SURF6: variants seen among roughly 807,000 people sequenced by gnomAD.
The protein encoded by SURF6 is surfeit 6, also known as surfeit locus protein 6.
SURF6 carries 28 observed loss-of-function variants against 37.5 expected under a neutral mutation model. That is an observed-to-expected ratio of 0.75 (90% CI 0.55 to 1.02). The LOEUF is 1.02. Ranked by LOEUF, SURF6 falls within the 50% of genes least tolerant of loss-of-function variation. The probability of loss-of-function intolerance (pLI) is 0.00; values close to 1 mark genes in which losing one functional copy is unlikely to be tolerated. For synonymous variants in SURF6, 248 were observed against 210.9 expected (o/e 1.18, Z -1.52); for missense variants, 560 against 490.5 (o/e 1.14, Z -1.34).
chr9:133,333,880 T>C, intron 2 of SURF6, 74 bp from the exon 3 acceptor site: 2 of 1,244,044 alleles, frequency 1.6e-6, no homozygotes, highest in East Asian at 2.5e-5. Flanking sequence ...CACGAATCCC[T>C]GTCCCACTGT....
In SURF6 at chr9:133,332,680, C is replaced by A; in HGVS notation, c.474G>T (p.Lys158Asn). The A allele has an allele frequency of 6.2e-7, 1 of 1,612,404 alleles. No individual in the cohort carries two copies. Among genetic ancestry groups the A allele is most frequent in the South Asian group, 1.1e-5 (1 of 91,092 alleles). ...RKQERDRKKR[K>N]RKELRAKEKA... is the part of the protein sequence containing the mutation. ...TCTCTTTCGCCCGCAGCTCCTTTCG[C>A]TTCCTCTTCTTCCGGTCCCGTTCCT... Residue 158 changes from lysine to asparagine, a missense_variant, in exon 4 of 5, where the codon AAG (lysine) becomes AAT (asparagine). Coordinates refer to ENST00000372022, the MANE Select transcript of SURF6 (RefSeq NM_006753.6).
chr9:133,334,949 G>A (rs1413880696), intron 1 of SURF6, among the ~76,000 whole-genome samples: 1 of 152,118 alleles, frequency 6.6e-6, no homozygotes, highest in Non-Finnish European at 1.5e-5. Flanking sequence ...TTTAGCTGCT[G>A]GGGGTTATGT....
intron 3 of SURF6, 49 bp from the exon 4 acceptor site, chr9:133,332,809 C>T (rs2129921637): frequency 1.6e-5 from 25 of 1,566,908 alleles, no homozygotes; most frequent in Non-Finnish European, 1.8e-5. Context: ...ATCCCAGGGT[C>T]CCCCAGCCTG....
rs1395452202 is a variant in SURF6 at position 133,329,892 on chromosome 9, T to C, written c.*1977A>G. ...TTGGTATCAAAGCTAAGTTCACGAATGAAGTGTTCTCTCAATTGATTCTGT... is the reference window on the plus strand; with the variant it reads ...TTGGTATCAAAGCTAAGTTCACGAACGAAGTGTTCTCTCAATTGATTCTGT... On this transcript the variant is annotated 3_prime_UTR_variant, in exon 5 of 5. Coordinates refer to ENST00000372022, the MANE Select transcript of SURF6 (RefSeq NM_006753.6). 2 of 152,248 alleles carry C rather than the reference T, an allele frequency of 1.3e-5. No individual in the cohort carries two copies. Among genetic ancestry groups the C allele is most frequent in the Admixed American group, 6.5e-5 (1 of 15,286 alleles). 9.4% of individuals were successfully genotyped at this position (152,248 alleles called of 1,614,324 possible). A position where few individuals can be genotyped will look rare whatever the true frequency, so the allele number is the denominator to read the frequency against.
rs947127023 is a variant in SURF6 at position 133,334,670 on chromosome 9, C to G, written c.95-69G>C. 3.2e-6 allele frequency: 5 copies of G among 1,555,396 alleles called. No homozygotes were observed. In the Admixed American group the frequency reaches 8.8e-5, roughly 28 times the overall value. On this transcript the variant is annotated intron_variant, in intron 1 of 4. Coordinates refer to ENST00000372022, the MANE Select transcript of SURF6 (RefSeq NM_006753.6). ...CCATTCAATAGGCAGGAAAGGCTCACCAAGGCTTTGATCCCAGGAAGATGC... is the reference window on the plus strand; with the variant it reads ...CCATTCAATAGGCAGGAAAGGCTCAGCAAGGCTTTGATCCCAGGAAGATGC...
At chr9:133,333,860 T>G in intron 2 of SURF6, 54 bp from the exon 3 acceptor site, 1 of 1,434,942 alleles carries the variant, frequency 7.0e-7, no homozygotes, top group African/African-American at 1.4e-5. Flanking sequence ...TCCCCCTCCC[T>G]CCCTAGGGCC....
chr9:133,335,984 G>A (rs1017791246), intron 1 of SURF6, 55 bp downstream of exon 1: 65 of 1,495,280 alleles, frequency 4.3e-5, no homozygotes, highest in South Asian at 1.6e-4. Context: ...CACCGGCTCC[G>A]GCCGCGTCCC....
chr9:133,334,318 A>T, intron 2 of SURF6, 74 bp downstream of exon 2: 1 of 1,414,610 alleles, frequency 7.1e-7, no homozygotes, highest in Non-Finnish European at 9.5e-7. Flanking sequence ...TTTTCTTAAG[A>T]GCAAAGGGGA....
chr9:133,330,730 T>C lies in SURF6; in HGVS notation c.*1139A>G, dbSNP rs2129907392. The C allele has an allele frequency of 1.3e-5, 2 of 152,342 alleles. No homozygotes were observed. Among genetic ancestry groups the C allele is most frequent in the East Asian group, 3.9e-4 (2 of 5,190 alleles). 9.4% of individuals were successfully genotyped at this position (152,342 alleles called of 1,614,324 possible). A position where few individuals can be genotyped will look rare whatever the true frequency, so the allele number is the denominator to read the frequency against. On this transcript the variant is annotated 3_prime_UTR_variant, in exon 5 of 5. Coordinates refer to ENST00000372022, the MANE Select transcript of SURF6 (RefSeq NM_006753.6). ...ACAAAAAAAAATAGCTCAAATTTTT[T>C]TTAATGACATTGGGATACGGTCAGA...
rs1254413301 is a variant in SURF6 at position 133,332,565 on chromosome 9, C to A, written c.589G>T (p.Gly197Trp). The A allele has an allele frequency of 1.2e-6, 2 of 1,608,876 alleles. No homozygotes were observed. The highest frequency in any genetic ancestry group is 1.7e-6 in the Non-Finnish European group (2 of 1,179,926). The change falls in exon 4 of 5, where the codon GGG becomes TGG. Residue 197 changes from glycine to tryptophan, a missense_variant. Coordinates refer to ENST00000372022, the MANE Select transcript of SURF6 (RefSeq NM_006753.6). Reference sequence around the variant, plus strand: ...CCGCTCACCTTATTGAAGATCAGCCCGGGCGGCTCCCGCGGCTCCGTGCAG... The same window carrying A: ...CCGCTCACCTTATTGAAGATCAGCCAGGGCGGCTCCCGCGGCTCCGTGCAG... ...GACTEPREPPGLIFNKVEVSE... is the reference protein window; with the variant it reads ...GACTEPREPPWLIFNKVEVSE...
intron 1 of SURF6, 64 bp from the exon 2 acceptor site, chr9:133,334,665 G>A: frequency 6.4e-7 from 1 of 1,559,258 alleles, no homozygotes; most frequent in Non-Finnish European, 8.7e-7. Flanking sequence ...GGCAGGAAAG[G>A]CTCACCAAGG....
chr9:133,331,656 C>T lies in SURF6; in HGVS notation c.*213G>A, dbSNP rs1053248651. The T allele has an allele frequency of 4.9e-6, 3 of 606,896 alleles. No homozygotes were observed. The highest frequency in any genetic ancestry group is 1.9e-5 in the African/African-American group (1 of 51,762). The allele number at this position is 606,896 out of a possible 1,614,324, so 37.6% of individuals were successfully genotyped here. A position where few individuals can be genotyped will look rare whatever the true frequency, so the allele number is the denominator to read the frequency against. ...ACCCTTTCCCTGGGTCTGAAGGTCC[C>T]GGATCCTGCGTTCAAGGATGACGCT... On this transcript the variant is annotated 3_prime_UTR_variant, in exon 5 of 5. Transcript: ENST00000372022.
At position 133,332,299 on chromosome 9, in the gene SURF6, T is replaced by G. The variant is rs201191151; in HGVS notation, c.656A>C (p.Glu219Ala). 38 of 1,598,938 alleles carry G rather than the reference T, an allele frequency of 2.4e-5. No homozygotes were observed. Among genetic ancestry groups the G allele is most frequent in the African/African-American group, 6.7e-5 (5 of 74,908 alleles). The change falls in exon 5 of 5, where the codon GAG becomes GCG. Residue 219 changes from glutamate (E) to alanine (A), a missense_variant. Transcript: ENST00000372022. ...GTTCCCCTTCACCCTCTGCCTCTTC[T>G]CTTTTCTGCGCTGCGCCTTGCTGGC... The part of the protein sequence containing the change: ...EPASKAQRRK[E>A]KRQRVKGNLT...
rs2129924848 is a variant in SURF6 at position 133,333,784 on chromosome 9, C to T, written c.327G>A (p.Glu109=). The T allele has an allele frequency of 5.0e-6, 8 of 1,613,768 alleles. No individual in the cohort carries two copies. Among genetic ancestry groups the T allele is most frequent in the Non-Finnish European group, 5.9e-6 (7 of 1,179,924 alleles). Residue 109 remains glutamate, a synonymous_variant, in exon 3 of 5, where the codon GAG becomes GAA. Coordinates refer to ENST00000372022, the MANE Select transcript of SURF6 (RefSeq NM_006753.6). ...GCAGAACATCCAGAGCAAAGACAGA[C>T]TCAGGCTCAGTGGCCAGGCCATCTG... ...NPADGLATEP[E]SVFALDVLRQ...
rs888204858 is a variant in SURF6, at chr9:133,328,829, A to T, written c.*3040T>A. 6.6e-6 allele frequency: 1 copy of T among 152,236 alleles called. No individual in the cohort carries two copies. Among genetic ancestry groups the T allele is most frequent in the African/African-American group, 2.4e-5 (1 of 41,452 alleles). The allele number at this position is 152,236 out of a possible 1,614,324, so 9.4% of individuals were successfully genotyped here. Reference sequence around the variant, plus strand: ...CTAAAATCTTGACATTGGTATTTGTAGGGACCAGCCCCACAGGGTCCGTGG... The same window carrying T: ...CTAAAATCTTGACATTGGTATTTGTTGGGACCAGCCCCACAGGGTCCGTGG... On this transcript the variant is annotated 3_prime_UTR_variant, in exon 5 of 5. Coordinates refer to ENST00000372022, the MANE Select transcript of SURF6 (RefSeq NM_006753.6).
rs2129917751 is a variant in SURF6 at position 133,332,331 on chromosome 9, G to A, written c.624C>T (p.Asp208=). The A allele has an allele frequency of 3.5e-5, 56 of 1,582,132 alleles. No individual in the cohort carries two copies. The Middle Eastern group carries it at 2.5e-3, about 71-fold the overall frequency. ...LIFNKVEVSE[D]EPASKAQRRK... The stretch of plus-strand genomic sequence containing the variant: ...TGCGCTGCGCCTTGCTGGCCGGCTC[G>A]TCTTCGCTCACCTCCACCTGGGAGG... The change falls in exon 5 of 5, where the codon GAC becomes GAT. Residue 208 remains aspartate, a synonymous_variant. Transcript: ENST00000372022.
chr9:133,334,622 G>C (rs2129928585), intron 1 of SURF6, 21 bp from the exon 2 acceptor site: 2 of 1,602,442 alleles, frequency 1.2e-6, no homozygotes, highest in Middle Eastern at 1.7e-4. Flanking sequence ...AAATAAGAAA[G>C]AGTTAAGTCC....
In SURF6 at chr9:133,335,894, C is replaced by A. The variant is rs2129932928; in HGVS notation, c.94+145G>T. ...CCGTCTCCAAAAACAAAAACAAAAA[C>A]AAAAAAAACAAATAAGGGAAACGGC... On this transcript the variant is annotated intron_variant, in intron 1 of 4. Coordinates refer to ENST00000372022, the MANE Select transcript of SURF6 (RefSeq NM_006753.6). 28 of 695,334 alleles carry A rather than the reference C, an allele frequency of 4.0e-5. No individual in the cohort carries two copies. The African/African-American group carries it at 4.9e-4, about 12-fold the overall frequency. The allele number at this position is 695,334 out of a possible 1,614,324, so 43.1% of individuals were successfully genotyped here. A position where few individuals can be genotyped will look rare whatever the true frequency, so the allele number is the denominator to read the frequency against.
In SURF6 at chr9:133,332,080, G is replaced by A. The variant is rs2129914799; in HGVS notation, c.875C>T (p.Ala292Val). 1.2e-6 allele frequency: 2 copies of A among 1,607,598 alleles called. No individual in the cohort carries two copies. Among genetic ancestry groups the A allele is most frequent in the African/African-American group, 1.3e-5 (1 of 75,062 alleles). The change falls in exon 5 of 5, where the codon GCC becomes GTC. Residue 292 changes from alanine (A) to valine (V), a missense_variant. By Grantham distance (64) the Ala-to-Val change is moderately conservative. Coordinates refer to ENST00000372022, the MANE Select transcript of SURF6 (RefSeq NM_006753.6). ...CCTGCGCTTCTCCTTGCGCTTCAGG[G>A]CCTCCTGCAGCAGGCGTTCGTCGTC... ...IRDDERLLQE[A>V]LKRKEKRRAQ... is the part of the protein sequence containing the mutation.
Sources: allele counts gnomAD v4.1 joint callset (sites outside exome capture counted in the v4.1 genomes callset), GRCh38; gene constraint gnomAD v4.1.1; transcripts MANE v1.5; gene names NCBI Gene and HGNC (gene_info 2026-07-23, HGNC 2026-07-21).